The following FHIP2A variants were observed in gnomAD, a reference collection of about 807,000 sequenced individuals.
FHIP2A encodes family with sequence similarity 160 member B1.
A neutral mutation model predicts 93.5 loss-of-function variants in FHIP2A; 46 were observed. The observed-to-expected ratio is 0.49, with a 90% confidence interval of 0.39 to 0.63. The LOEUF is 0.63. Ranked by LOEUF, FHIP2A falls within the 20% of genes least tolerant of loss-of-function variation. The pLI is 0.00. For missense variants in FHIP2A, 769 were observed against 909.7 expected (o/e 0.85, Z 1.99); for synonymous variants, 332 against 326.5 (o/e 1.02, Z -0.18).
chr10:114,848,341 A>G (rs919721648), intron 12 of FHIP2A, among the ~76,000 whole-genome samples: 2 of 152,224 alleles, frequency 1.3e-5, no homozygotes, highest in African/African-American at 2.4e-5. Flanking sequence ...GAGGAAAAAA[A>G]TGTCTTTCTT....
intron 16 of FHIP2A, among the ~76,000 whole-genome samples, chr10:114,874,157 C>T (rs547241499): frequency 6.6e-6 from 1 of 152,310 alleles, no homozygotes; most frequent in East Asian, 1.9e-4. Flanking sequence ...CACAGCTGAA[C>T]TTGTTTGGAG....
At chr10:114,834,189 T>C (rs902682227) in intron 3 of FHIP2A, among the ~76,000 whole-genome samples, 6 of 152,194 alleles carry the variant, frequency 3.9e-5, no homozygotes, top group African/African-American at 7.2e-5. Flanking sequence ...ATATGAATAG[T>C]AGCATGCAAG....
At chr10:114,829,761 T>C (rs2083597649) in intron 1 of FHIP2A, among the ~76,000 whole-genome samples, 1 of 152,198 alleles carries the variant, frequency 6.6e-6, no homozygotes, top group South Asian at 2.1e-4. Context: ...ACACTAGGAC[T>C]AGGGGAGCTC....
intron 16 of FHIP2A, among the ~76,000 whole-genome samples, chr10:114,892,312 G>C (rs1361495606): frequency 6.6e-6 from 1 of 152,272 alleles, no homozygotes; most frequent in East Asian, 1.9e-4. Flanking sequence ...ATAGATATGT[G>C]TGAACATTTA....
downstream of FHIP2A, among the ~76,000 whole-genome samples, chr10:114,864,912 T>C (rs1475555458): frequency 1.3e-5 from 2 of 151,998 alleles, no homozygotes; most frequent in Non-Finnish European, 2.9e-5. Flanking sequence ...GCTTGAAAAA[T>C]TCCCCCAGGA....
Position 114,843,083 on chromosome 10 carries a change from G to A in FHIP2A, c.673G>A (p.Glu225Lys), listed in dbSNP as rs1455669794. Residue 225 changes from glutamate (E) to lysine (K), a missense_variant, in exon 6 of 17, where the codon GAA becomes AAA. Coordinates refer to ENST00000369248, the MANE Select transcript of FHIP2A (RefSeq NM_020940.4). ...TACTGGAATGGAGCAAACAGAATTG[G>A]AAGATGAGCCTCCTCATCAGATGGA... ...GATGMEQTEL[E>K]DEPPHQMDHL... 1 of 1,614,086 alleles carries A rather than the reference G, an allele frequency of 6.2e-7. No individual in the cohort carries two copies. Among genetic ancestry groups the A allele is most frequent in the South Asian group, 1.1e-5 (1 of 91,080 alleles).
At chr10:114,875,853 A>AAAAG (rs71007497) in intron 16 of FHIP2A, among the ~76,000 whole-genome samples, 14 of 143,706 alleles carry the variant, frequency 9.7e-5, no homozygotes, top group East Asian at 3.9e-4. Context: ...GAAAGAAAGA[A>AAAAG]AAAGAAAGAA....
Position 114,843,151 on chromosome 10 carries a change from G to T in FHIP2A, c.741G>T (p.Leu247=), listed in dbSNP as rs1037211030. 7 of 1,613,876 alleles carry T rather than the reference G, an allele frequency of 4.3e-6. No homozygotes were observed. The African/African-American group carries it at 9.3e-5, about 22-fold the overall frequency. ...TGGATAACCTCAGTGTCACCTCACT[G>T]CCAGAGGCCTCGGTTGTTTGTCCAA... ...TSLDNLSVTS[L]PEASVVCPNQ... The change falls in exon 6 of 17, where the codon CTG becomes CTT. Residue 247 remains leucine, a synonymous_variant. Coordinates refer to ENST00000369248, the MANE Select transcript of FHIP2A (RefSeq NM_020940.4).
intron 1 of FHIP2A, 51 bp downstream of exon 1, chr10:114,822,174 A>T: frequency 5.2e-6 from 6 of 1,163,818 alleles, no homozygotes; most frequent in Non-Finnish European, 5.5e-6. Flanking sequence ...GCGGCGGCCT[A>T]CGCTCCCCGG....
chr10:114,843,972 G>T, intron 7 of FHIP2A, 35 bp downstream of exon 7: 2 of 1,485,632 alleles, frequency 1.3e-6, no homozygotes, highest in South Asian at 1.4e-5. Context: ...CCATAAAGGT[G>T]ACTTCTTAAC....
At chr10:114,836,364 C>T in intron 5 of FHIP2A, 118 bp downstream of exon 5, 1 of 785,976 alleles carries the variant, frequency 1.3e-6, no homozygotes, top group Admixed American at 2.4e-5. Context: ...GCTTGTTTTA[C>T]TTCCCAGAAT....
At chr10:114,871,440 C>T (rs1024222843) in intron 16 of FHIP2A, among the ~76,000 whole-genome samples, 2 of 152,274 alleles carry the variant, frequency 1.3e-5, no homozygotes, top group African/African-American at 2.4e-5. Context: ...TGGCCCTAAG[C>T]TTCTAGCTCT....
At chr10:114,888,751 C>T (rs1248312656) in intron 16 of FHIP2A, among the ~76,000 whole-genome samples, 8 of 152,022 alleles carry the variant, frequency 5.3e-5, no homozygotes, top group Admixed American at 3.3e-4. Flanking sequence ...TACAATCACC[C>T]GCCACCATGC....
At chr10:114,875,857 G>A (rs542704222) in intron 16 of FHIP2A, among the ~76,000 whole-genome samples, 932 of 78,636 alleles carry the variant, frequency 0.012, 32 homozygotes, top group African/African-American at 0.016. Flanking sequence ...GAAAGAAAAA[G>A]AAAGAAAGAA....
chr10:114,834,031 C>T (rs1178853636), intron 3 of FHIP2A, among the ~76,000 whole-genome samples: 2 of 152,150 alleles, frequency 1.3e-5, no homozygotes, highest in Admixed American at 6.5e-5. Context: ...TTTGGTTAAT[C>T]TTCCTCCTCT....
At chr10:114,875,984 AAGAAAGAAAGAAAAAGAAAG>A (rs1020909479) in intron 16 of FHIP2A, among the ~76,000 whole-genome samples, 5 of 151,444 alleles carry the variant, frequency 3.3e-5, no homozygotes, top group South Asian at 2.1e-4. Flanking sequence ...GTAAGAGAGA[AAGAAAGAAAGAAAAAGAAAG>A]AGAAAGAAAG....
intron 16 of FHIP2A, among the ~76,000 whole-genome samples, chr10:114,899,012 C>T (rs2084014215): frequency 2.0e-5 from 3 of 152,146 alleles, no homozygotes; most frequent in African/African-American, 7.2e-5. Flanking sequence ...GAACACTGCC[C>T]TGACATTGCC....
At chr10:114,893,853 T>C (rs2083987563) in intron 16 of FHIP2A, among the ~76,000 whole-genome samples, 2 of 152,066 alleles carry the variant, frequency 1.3e-5, no homozygotes, top group Admixed American at 1.3e-4. Flanking sequence ...ATATTCAAAA[T>C]ATATTATGTG....
intron 16 of FHIP2A, among the ~76,000 whole-genome samples, chr10:114,874,837 C>T (rs2083876404): frequency 6.6e-6 from 1 of 152,160 alleles, no homozygotes; most frequent in Non-Finnish European, 1.5e-5. Context: ...CTAGGAGACT[C>T]AAAAAGCAGA....
Sources: allele counts gnomAD v4.1 joint callset (sites outside exome capture counted in the v4.1 genomes callset), GRCh38; gene constraint gnomAD v4.1.1; transcripts MANE v1.5; gene names NCBI Gene and HGNC (gene_info 2026-07-23, HGNC 2026-07-21).